Variants in GRIPAP1 observed in about 807,000 individuals in gnomAD.
GRIPAP1 encodes the protein GRIP1 associated protein 1, also known as GRIP1-associated protein 1.
In GRIPAP1, 14 loss-of-function variants were observed where a neutral mutation model predicts 84.1. The ratio of observed to expected loss-of-function variants is 0.17; its 90% confidence interval spans 0.11 to 0.26. The LOEUF is 0.26. Among genes scored for constraint, GRIPAP1 ranks in the 10% least tolerant of loss-of-function variants. The pLI is 1.00. For synonymous variants in GRIPAP1, 261 were observed against 256.8 expected (o/e 1.02, Z -0.15); for missense variants, 518 against 674.2 (o/e 0.77, Z 2.57).
Position 48,991,107 on chromosome X carries a change from A to G in GRIPAP1, c.461T>C (p.Leu154Pro). 3 of 1,178,242 alleles carry G rather than the reference A, an allele frequency of 2.5e-6. No homozygotes were observed. The highest frequency in any genetic ancestry group is 3.5e-6 in the Non-Finnish European group (3 of 864,661). The change falls in exon 7 of 26, where the codon CTG (leucine) becomes CCG (proline). Residue 154 changes from leucine to proline, a missense_variant. This residue lies in a region of GRIPAP1 where 372 missense variants were observed against 458.1 expected (regional missense o/e 0.81). Coordinates refer to ENST00000376423, the MANE Select transcript of GRIPAP1 (RefSeq NM_020137.5). ...GGCTTCTTTCCCATAGCGTTCCTGC[A>G]GGGCTGGTGAGTAGAACAGGGATAT... Reference protein sequence around the residue: ...NTALQKNVAALQERYGKEAGK... With the variant: ...NTALQKNVAAPQERYGKEAGK...
chrX:48,990,125 C>A, intron 8 of GRIPAP1, 122 bp from the exon 9 acceptor site: 1 of 558,043 alleles, frequency 1.8e-6, no homozygotes, highest in Non-Finnish European at 2.8e-6. Flanking sequence ...CTTATGTTGT[C>A]TTGTGGAATC....
At position 48,975,652 on chromosome X, in the gene GRIPAP1, A is replaced by G. The variant is rs148449518; in HGVS notation, c.2279-343T>C. 3.9e-3 allele frequency: 1,264 copies of G among 326,894 alleles called. 2 individuals are homozygous for G. Among genetic ancestry groups the G allele is most frequent in the Middle Eastern group, 7.5e-3 (9 of 1,199 alleles). 26.9% of individuals were successfully genotyped at this position (326,894 alleles called of 1,213,427 possible). On this transcript the variant is annotated intron_variant, in intron 24 of 25. Transcript: ENST00000376423. ...AGTTTGAAAGAAAGCAAAAGCAATGAAGATACAGAGAAGGAAAACAATATA... is the reference window on the plus strand; with the variant it reads ...AGTTTGAAAGAAAGCAAAAGCAATGGAGATACAGAGAAGGAAAACAATATA...
chrX:48,977,570 C>T (rs1014186409), intron 22 of GRIPAP1: 3 of 111,685 alleles, frequency 2.7e-5, no homozygotes, highest in Non-Finnish European at 5.6e-5. Context: ...AGTGATCTGC[C>T]CGCCTCAGCC....
At chrX:48,988,351 G>A (rs957890410) in intron 11 of GRIPAP1, 153 bp from the exon 12 acceptor site, 19 of 454,173 alleles carry the variant, frequency 4.2e-5, no homozygotes, top group Admixed American at 6.8e-5. Flanking sequence ...TCACCCAGAC[G>A]CCAGGTCACT....
At chrX:48,976,219 C>T (rs782538076) in intron 23 of GRIPAP1, 22 bp downstream of exon 23, 41 of 1,165,457 alleles carry the variant, frequency 3.5e-5, no homozygotes, top group East Asian at 1.6e-4. Context: ...TGGGGATGGG[C>T]AGGCAGGCAG....
chrX:48,986,898 G>C (rs1361164625), intron 13 of GRIPAP1, among the ~76,000 whole-genome samples: 16 of 109,923 alleles, frequency 1.5e-4, no homozygotes, highest in Non-Finnish European at 2.5e-4. Context: ...GCCCAGGCTT[G>C]AGTGCAATGG....
At chrX:48,976,544 G>A (rs1053338698) in intron 22 of GRIPAP1, among the ~76,000 whole-genome samples, 181 bp from the exon 23 acceptor site, 3 of 111,647 alleles carry the variant, frequency 2.7e-5, no homozygotes, top group African/African-American at 9.8e-5. Context: ...CCTAAATGGG[G>A]GTAGAGAGTA....
At chrX:48,997,455 A>G in intron 4 of GRIPAP1, 98 bp from the exon 5 acceptor site, 1 of 534,303 alleles carries the variant, frequency 1.9e-6, no homozygotes, top group South Asian at 2.6e-5. Context: ...CATGGGTGGG[A>G]GAGGACATAG....
At chrX:48,981,342 C>T (rs371916734) in intron 20 of GRIPAP1, 28 bp from the exon 21 acceptor site, 6 of 1,198,886 alleles carry the variant, frequency 5.0e-6, no homozygotes, top group Non-Finnish European at 6.8e-6. Flanking sequence ...AACATGAGGA[C>T]TGAGGCCCAG....
In GRIPAP1 at chrX:48,997,995, C is replaced by G; in HGVS notation, c.198+159G>C. On this transcript the variant is annotated intron_variant, in intron 4 of 25. Coordinates refer to ENST00000376423, the MANE Select transcript of GRIPAP1 (RefSeq NM_020137.5). ...AAGAGACACAGAGTTAGGACAAATA[C>G]AGGGAAACAAGGACAGATACAGCAA... The G allele has an allele frequency of 5.8e-6, 3 of 513,224 alleles. No individual in the cohort carries two copies. The South Asian group carries it at 7.7e-5, about 13-fold the overall frequency. 42.3% of individuals were successfully genotyped at this position (513,224 alleles called of 1,213,427 possible).
chrX:48,987,745 A>AC, intron 13 of GRIPAP1, 40 bp downstream of exon 13: 2 of 822,716 alleles, frequency 2.4e-6, no homozygotes, highest in Non-Finnish European at 1.8e-6. Flanking sequence ...AGATGGGGGA[A>AC]CTGGAGAGGG....
At chrX:48,987,638 G>T in intron 13 of GRIPAP1, 147 bp downstream of exon 13, 1 of 435,841 alleles carries the variant, frequency 2.3e-6, no homozygotes, top group South Asian at 3.9e-5. Context: ...AGAGAGAAGA[G>T]GGCTGGACGC....
chrX:48,979,555 T>C (rs1282449846), intron 21 of GRIPAP1, among the ~76,000 whole-genome samples: 4 of 105,823 alleles, frequency 3.8e-5, no homozygotes, highest in Non-Finnish European at 5.8e-5. Flanking sequence ...TTTAATCTAA[T>C]GGACAAGGTG....
At chrX:49,000,147 C>T (rs1213102189) in intron 1 of GRIPAP1, among the ~76,000 whole-genome samples, 3 of 108,975 alleles carry the variant, frequency 2.8e-5, no homozygotes, top group Admixed American at 2.0e-4. Flanking sequence ...GGGTGGGTCA[C>T]GAGGTAAGGA....
At position 48,979,346 on chromosome X, in the gene GRIPAP1, G is replaced by A. The variant is rs192621221; in HGVS notation, c.1931-911C>T. ...CAAAAAATTAGGTGGGCGTGGTGGC[G>A]GGTGCCTGTAGTCCCAGCTACTTGG... is the stretch of plus-strand genomic sequence containing the variant. On this transcript the variant is annotated intron_variant, in intron 21 of 25. Transcript: ENST00000376423. 3.2e-3 allele frequency among the ~76,000 whole-genome samples: 330 copies of A among 104,503 alleles called. 2 individuals are homozygous for A. The highest frequency in any genetic ancestry group is 0.011 in the African/African-American group (307 of 28,694). 90.7% of individuals were successfully genotyped at this position (104,503 alleles called of 115,157 possible).
intron 4 of GRIPAP1, 44 bp from the exon 5 acceptor site, chrX:48,997,401 G>A (rs782226919): frequency 8.3e-6 from 6 of 720,046 alleles, no homozygotes; most frequent in Non-Finnish European, 1.3e-5. Context: ...AGGGCAAAAA[G>A]GATAGGGAGG....
At chrX:48,977,244 A>C (rs961357796) in intron 22 of GRIPAP1, 1 of 110,896 alleles carries the variant, frequency 9.0e-6, no homozygotes. Context: ...AGGTAGAGAC[A>C]ACAGTTGAAT....
At chrX:48,974,321 G>T (rs781871317) in intron 25 of GRIPAP1, 36 bp from the exon 26 acceptor site, 1 of 943,228 alleles carries the variant, frequency 1.1e-6, no homozygotes, top group South Asian at 2.0e-5. Flanking sequence ...GCCAGAGAAG[G>T]GGACAGGCTG....
chrX:48,987,597 TAA>T (rs782093107), intron 13 of GRIPAP1, among the ~76,000 whole-genome samples, 186 bp downstream of exon 13: 7 of 92,730 alleles, frequency 7.5e-5, no homozygotes, highest in Admixed American at 1.2e-4. Context: ...TTTTAAAAGT[TAA>T]AAAAAAAAAA....
Sources: gnomAD v4.1 joint callset for allele counts (sites outside exome capture counted in the v4.1 genomes callset) on GRCh38, gnomAD v4.1.1 for gene constraint, gnomAD v4.1.1 regional missense constraint, MANE v1.5 for transcripts, NCBI Gene and HGNC (gene_info 2026-07-23, HGNC 2026-07-21) for gene names.